The following CDHR3 variants were observed in gnomAD, a reference collection of about 807,000 sequenced individuals.
CDHR3 encodes cadherin-related family member 3.
Under a neutral mutation model 86.6 loss-of-function variants are expected in CDHR3, and 79 were observed. That is an observed-to-expected ratio of 0.91 (90% CI 0.76 to 1.10). The LOEUF (loss-of-function observed/expected upper bound fraction) is 1.10. Among genes scored for constraint, CDHR3 ranks in the 50% least tolerant of loss-of-function variants. CDHR3 has a pLI of 0.00. For missense variants in CDHR3, 1,081 were observed against 1,077.6 expected (o/e 1.00, Z -0.04); for synonymous variants, 421 against 402.4 (o/e 1.05, Z -0.55).
intron 14 of CDHR3, among the ~76,000 whole-genome samples, chr7:106,023,294 A>G (rs1365797424): frequency 1.3e-5 from 2 of 152,204 alleles, no homozygotes; most frequent in Admixed American, 1.3e-4. Flanking sequence ...CTTTCAGGGA[A>G]TTCTAATGTG....
intron 16 of CDHR3, among the ~76,000 whole-genome samples, chr7:106,028,277 T>A (rs74928390): frequency 0.1 from 15,963 of 152,108 alleles, 1,065 homozygotes; most frequent in Middle Eastern, 0.18. Context: ...AAAAGCCAGT[T>A]TTCTAGGTCC....
At chr7:105,987,619 T>C (rs752194073) in intron 4 of CDHR3, among the ~76,000 whole-genome samples, 1 of 152,096 alleles carries the variant, frequency 6.6e-6, no homozygotes, top group Non-Finnish European at 1.5e-5. Flanking sequence ...TGGGGGAGCT[T>C]TAAAGAACAC....
chr7:106,026,345 G>T lies in CDHR3; in HGVS notation c.2259-337G>T, dbSNP rs555921399. On this transcript the variant is annotated intron_variant, in intron 15 of 18. Transcript: ENST00000317716. ...CTGGCTCTTGGGGAGAAAGGGATAG[G>T]GCAAGAAGACTCGCTGGACAGTCTG... Among the ~76,000 whole-genome samples the T allele has an allele frequency of 7.9e-5, 12 of 152,262 alleles. No individual in the cohort carries two copies. The South Asian group carries it at 2.3e-3, about 29-fold the overall frequency.
rs1360071069 is a variant in CDHR3, at chr7:105,981,169, A to G, written c.415+36A>G. ...CCAGGATGTGCACTGCAGCCCAGAC[A>G]GTGGCATCAGGGAGGGCCCTGGGGG... On this transcript the variant is annotated intron_variant, in intron 3 of 18. Coordinates refer to ENST00000317716, the MANE Select transcript of CDHR3 (RefSeq NM_152750.5). 5.0e-6 allele frequency: 8 copies of G among 1,598,268 alleles called. No individual in the cohort carries two copies. In the Admixed American group the frequency reaches 8.5e-5, roughly 17 times the overall value.
rs1563317031 is a variant in CDHR3 at position 106,032,341 on chromosome 7, C to G, written c.2354-52C>G. 20 of 1,512,604 alleles carry G rather than the reference C, an allele frequency of 1.3e-5. No individual in the cohort carries two copies. In the South Asian group the frequency reaches 1.7e-4, roughly 13 times the overall value. 93.7% of individuals were successfully genotyped at this position (1,512,604 alleles called of 1,614,324 possible). ...AGCAGGGTAGAAGTGGGGGAAGAGA[C>G]AGTCATTGGAATTTTCTGGCTTATG... On this transcript the variant is annotated intron_variant, in intron 18 of 18. Coordinates refer to ENST00000317716, the MANE Select transcript of CDHR3 (RefSeq NM_152750.5).
At chr7:106,027,905 A>G (rs1837614774) in intron 16 of CDHR3, among the ~76,000 whole-genome samples, 2 of 152,180 alleles carry the variant, frequency 1.3e-5, no homozygotes, top group African/African-American at 4.8e-5. Flanking sequence ...CTAGAGGATC[A>G]CTTGAGCCCA....
intron 8 of CDHR3, among the ~76,000 whole-genome samples, chr7:106,010,864 A>G (rs948314372): frequency 1.3e-5 from 2 of 152,216 alleles, no homozygotes; most frequent in South Asian, 2.1e-4. Context: ...GAGAAAAGGT[A>G]GTTGGACATA....
At chr7:105,967,387 G>A (rs1017853811) in intron 1 of CDHR3, among the ~76,000 whole-genome samples, 1 of 152,168 alleles carries the variant, frequency 6.6e-6, no homozygotes, top group African/African-American at 2.4e-5. Flanking sequence ...CCAAGTCTTT[G>A]CTATTGTGAA....
In CDHR3 at chr7:106,013,467, C is replaced by T. The variant is rs1426263389; in HGVS notation, c.1224+436C>T. Among the ~76,000 whole-genome samples the T allele has an allele frequency of 1.3e-5, 2 of 152,134 alleles. 1 individual carries two copies. The highest frequency in any genetic ancestry group is 4.8e-5 in the African/African-American group (2 of 41,430). ...CACTGGAGACCAGAGGAGAGTGAGA[C>T]AGTGAGGATGTGTAGGAAGCCCCCT... On this transcript the variant is annotated intron_variant, in intron 9 of 18. Coordinates refer to ENST00000317716, the MANE Select transcript of CDHR3 (RefSeq NM_152750.5).
At chr7:106,004,835 C>T in intron 8 of CDHR3, 148 bp downstream of exon 8, 1 of 713,170 alleles carries the variant, frequency 1.4e-6, no homozygotes, top group Non-Finnish European at 2.3e-6. Flanking sequence ...TCACTGTTGT[C>T]CACAGGTTTC....
intron 1 of CDHR3, among the ~76,000 whole-genome samples, chr7:105,972,949 C>G (rs1298047006): frequency 6.6e-6 from 1 of 152,096 alleles, no homozygotes; most frequent in African/African-American, 2.4e-5. Flanking sequence ...CAATTTTTTC[C>G]TCTTTTCCAT....
At position 105,994,757 on chromosome 7, in the gene CDHR3, C is replaced by T. The variant is rs759008187; in HGVS notation, c.520C>T (p.Leu174=). Residue 174 remains leucine (L), a synonymous_variant, in exon 5 of 19, where the codon CTG becomes TTG. Coordinates refer to ENST00000317716, the MANE Select transcript of CDHR3 (RefSeq NM_152750.5). ...TTTTTCCCTTGTTTTTTAGTATTTC[C>T]TGATTTCTCCCCCAAAGAGCTTCAG... ...TSRNIPLSYF[L]ISPPKSFRMS... 1 of 1,609,864 alleles carries T rather than the reference C, an allele frequency of 6.2e-7. No homozygotes were observed. Among genetic ancestry groups the T allele is most frequent in the Non-Finnish European group, 8.5e-7 (1 of 1,177,904 alleles).
chr7:105,994,653 T>C, intron 4 of CDHR3, 98 bp from the exon 5 acceptor site: 1 of 841,892 alleles, frequency 1.2e-6, no homozygotes, highest in Non-Finnish European at 2.0e-6. Flanking sequence ...GAACGTTCCA[T>C]GGGCTAAGAA....
At chr7:105,995,995 C>G (rs895832201) in intron 5 of CDHR3, among the ~76,000 whole-genome samples, 2 of 152,080 alleles carry the variant, frequency 1.3e-5, no homozygotes, top group East Asian at 1.9e-4. Flanking sequence ...TGCAGCATGG[C>G]GCTTGAGCAG....
At chr7:105,993,637 C>T (rs1211929169) in intron 4 of CDHR3, among the ~76,000 whole-genome samples, 2 of 141,908 alleles carry the variant, frequency 1.4e-5, no homozygotes, top group Non-Finnish European at 3.0e-5. Context: ...GATAGCACCA[C>T]TGCACTGCAG....
At chr7:105,983,847 C>T (rs1187082986) in intron 3 of CDHR3, among the ~76,000 whole-genome samples, 6 of 152,164 alleles carry the variant, frequency 3.9e-5, no homozygotes, top group Non-Finnish European at 8.8e-5. Flanking sequence ...ACATGGGGAT[C>T]CTCACACCGG....
In CDHR3 at chr7:105,985,586, G is replaced by T. The variant is rs1313034424; in HGVS notation, c.513+1297G>T. On this transcript the variant is annotated intron_variant, in intron 4 of 18. Transcript: ENST00000317716. ...TATAGTCTACAGACTCTGAAACAAA[G>T]CTGTTATAAAATTATTGGATACAAC... Among the ~76,000 whole-genome samples the T allele has an allele frequency of 2.0e-5, 3 of 152,034 alleles. No homozygotes were observed. The South Asian group carries it at 6.2e-4, about 32-fold the overall frequency.
intron 1 of CDHR3, among the ~76,000 whole-genome samples, chr7:105,964,513 T>C (rs1826561173): frequency 6.6e-6 from 1 of 151,962 alleles, no homozygotes; most frequent in Non-Finnish European, 1.5e-5. Context: ...ATGACAAGAG[T>C]GTAAATTCCT....
intron 2 of CDHR3, among the ~76,000 whole-genome samples, chr7:105,980,641 T>C (rs1829588392): frequency 7.0e-6 from 1 of 142,060 alleles, no homozygotes; most frequent in African/African-American, 2.6e-5. Flanking sequence ...TTTTTTTTAT[T>C]ATACTCTAAG....
Sources: gnomAD v4.1 joint callset for allele counts (sites outside exome capture counted in the v4.1 genomes callset) on GRCh38, gnomAD v4.1.1 for gene constraint, MANE v1.5 for transcripts, NCBI Gene and HGNC (gene_info 2026-07-23, HGNC 2026-07-21) for gene names.